The following IFT43 variants were observed in gnomAD, a reference collection of about 807,000 sequenced individuals.
IFT43 encodes intraflagellar transport 43.
IFT43 carries 33 observed loss-of-function variants against 32.3 expected under a neutral mutation model. That is an observed-to-expected ratio of 1.02 (90% confidence interval 0.77 to 1.37). IFT43 has a LOEUF of 1.37. Among genes scored for constraint, IFT43 ranks in the 40% most tolerant of loss-of-function variants. The pLI is 0.00. For synonymous variants in IFT43, 93 were observed against 98.2 expected, an observed-to-expected ratio of 0.95 and a Z score of 0.31; for missense variants, 274 against 265.9, an observed-to-expected ratio of 1.03 and a Z score of -0.21.
chr14:76,043,560 G>A (rs950885181), intron 3 of IFT43, among the ~76,000 whole-genome samples: 1 of 152,020 alleles, frequency 6.6e-6, no homozygotes, highest in African/African-American at 2.4e-5. Flanking sequence ...ACTGCCTCCC[G>A]CACTTCTGAA....
intron 3 of IFT43, among the ~76,000 whole-genome samples, chr14:76,026,890 A>G (rs1406387384): frequency 6.6e-6 from 1 of 152,140 alleles, no homozygotes; most frequent in Non-Finnish European, 1.5e-5. Flanking sequence ...ACCATGGAAT[A>G]GTATGTAGCC....
chr14:75,990,544 G>A (rs1197901648), intron 2 of IFT43, among the ~76,000 whole-genome samples: 3 of 152,140 alleles, frequency 2.0e-5, no homozygotes, highest in East Asian at 1.9e-4. Flanking sequence ...TTGTTATTGC[G>A]CAGGATGAGG....
intron 5 of IFT43, among the ~76,000 whole-genome samples, chr14:76,070,916 A>C (rs1216760846): frequency 6.6e-6 from 1 of 152,134 alleles, no homozygotes; most frequent in African/African-American, 2.4e-5. Flanking sequence ...GAGCCAATTA[A>C]ATCTCTTTTC....
chr14:75,988,215 A>G (rs2035566859), intron 1 of IFT43, among the ~76,000 whole-genome samples: 1 of 152,060 alleles, frequency 6.6e-6, no homozygotes, highest in South Asian at 2.1e-4. Context: ...CATATCTACA[A>G]AAAAATAAAA....
At chr14:76,024,676 A>G (rs968925847) in intron 3 of IFT43, among the ~76,000 whole-genome samples, 1 of 152,230 alleles carries the variant, frequency 6.6e-6, no homozygotes, top group Non-Finnish European at 1.5e-5. Flanking sequence ...ATGGTTCTAA[A>G]ACAAAGTGTT....
chr14:76,059,358 T>G lies in IFT43; in HGVS notation c.280T>G (p.Ser94Ala), dbSNP rs1486232670. 2 of 1,614,058 alleles carry G rather than the reference T, an allele frequency of 1.2e-6. No homozygotes were observed. Among genetic ancestry groups the G allele is most frequent in the Non-Finnish European group, 1.7e-6 (2 of 1,179,930 alleles). Residue 94 changes from serine to alanine, a missense_variant, in exon 5 of 9, where the codon TCA becomes GCA. By Grantham distance (99) the Ser-to-Ala change is moderately conservative. Transcript: ENST00000314067. Reference sequence around the variant, plus strand: ...CCTCAGACCACAGAGCCTGAATGGATCAGATTATGGAGGAGGTAAGAGGCC... The same window carrying G: ...CCTCAGACCACAGAGCCTGAATGGAGCAGATTATGGAGGAGGTAAGAGGCC... ...FRLRPQSLNG[S>A]DYGGDIPIIP...
rs987559929 is a variant in IFT43 at position 76,060,509 on chromosome 14, G to A, written c.295+1136G>A. Among the ~76,000 whole-genome samples, 82 of 150,824 alleles carry A rather than the reference G, an allele frequency of 5.4e-4. 1 individual carries two copies. The highest frequency in any genetic ancestry group is 1.6e-3 in the East Asian group (8 of 5,096). ...GCTGAGATTACAGCCGTGAGCCACCGCGCCCGGCCCCAAATTGTCAAAGCC... is the reference window on the plus strand; with the variant it reads ...GCTGAGATTACAGCCGTGAGCCACCACGCCCGGCCCCAAATTGTCAAAGCC... On this transcript the variant is annotated intron_variant, in intron 5 of 8. Transcript: ENST00000314067.
intron 1 of IFT43, chr14:75,986,396 A>C (rs2035528303): frequency 2.9e-6 from 2 of 682,624 alleles, no homozygotes; most frequent in Non-Finnish European, 4.0e-6. Flanking sequence ...GGGAGTGATT[A>C]GGTGCTCAGG....
At chr14:76,011,548 A>T (rs1039716786) in intron 2 of IFT43, among the ~76,000 whole-genome samples, 1 of 152,210 alleles carries the variant, frequency 6.6e-6, no homozygotes, top group African/African-American at 2.4e-5. Context: ...ACTAGCATGT[A>T]ATATATGGGT....
intron 5 of IFT43, chr14:76,076,783 T>C: frequency 7.0e-7 from 1 of 1,437,382 alleles, no homozygotes; most frequent in Admixed American, 1.8e-5. Flanking sequence ...CATGTGATGA[T>C]ATTATCCGTA....
intron 2 of IFT43, among the ~76,000 whole-genome samples, chr14:75,996,489 T>G (rs2035750170): frequency 6.6e-6 from 1 of 152,260 alleles, no homozygotes; most frequent in Admixed American, 6.5e-5. Context: ...TATCAATTTA[T>G]CCTAAATATC....
chr14:76,075,984 CAG>C (rs987850555), intron 5 of IFT43, among the ~76,000 whole-genome samples: 30 of 152,198 alleles, frequency 2.0e-4, no homozygotes, highest in African/African-American at 6.8e-4. Context: ...CACACAGAAT[CAG>C]GGGTTTGTCT....
At position 76,013,885 on chromosome 14, in the gene IFT43, TAAAAC is replaced by T. The variant is rs61478866; in HGVS notation, c.148-8433_148-8429del. 446 of 238,642 alleles carry T rather than the reference TAAAAC, an allele frequency of 1.9e-3. 9 individuals carry two copies. The South Asian group carries it at 0.035, about 19-fold the overall frequency. The allele number at this position is 238,642 out of a possible 1,614,324, so 14.8% of individuals were successfully genotyped here. A position where few individuals can be genotyped will look rare whatever the true frequency, so the allele number is the denominator to read the frequency against. ...CATTTAAACCACTGAAGACCACAGT[TAAAAC>T]AAAACAAAGATTTATCACCCAAACA... On this transcript the variant is annotated intron_variant, in intron 2 of 8. Coordinates refer to ENST00000314067, the MANE Select transcript of IFT43 (RefSeq NM_001102564.3).
chr14:76,078,243 A>AT (rs1463702003), intron 5 of IFT43, among the ~76,000 whole-genome samples: 5 of 152,208 alleles, frequency 3.3e-5, no homozygotes, highest in African/African-American at 1.2e-4. Flanking sequence ...CGGAAGGGAC[A>AT]TTTTTCATTT....
intron 5 of IFT43, among the ~76,000 whole-genome samples, chr14:76,077,410 T>A (rs2037430884): frequency 6.6e-6 from 1 of 152,230 alleles, no homozygotes; most frequent in African/African-American, 2.4e-5. Context: ...ATGGCTCTTC[T>A]GTGTGTGTCA....
At chr14:76,034,258 G>C (rs1401678341) in intron 3 of IFT43, among the ~76,000 whole-genome samples, 1 of 152,116 alleles carries the variant, frequency 6.6e-6, no homozygotes, top group Non-Finnish European at 1.5e-5. Flanking sequence ...TGGGTTCTTG[G>C]TGAGGACCAT....
chr14:76,059,014 A>G lies in IFT43; in HGVS notation c.249-313A>G, dbSNP rs897116459. On this transcript the variant is annotated intron_variant, in intron 4 of 8. Transcript: ENST00000314067. ...CTTGCCTTCTCATAAGACTTATATC[A>G]GAAAAGAAAGAAGTTTTCTAGATAA... The G allele has an allele frequency of 1.7e-5, 24 of 1,423,652 alleles. 1 individual carries two copies. Among genetic ancestry groups the G allele is most frequent in the Non-Finnish European group, 2.2e-5 (24 of 1,095,566 alleles). 88.2% of individuals were successfully genotyped at this position (1,423,652 alleles called of 1,614,324 possible). A position where few individuals can be genotyped will look rare whatever the true frequency, so the allele number is the denominator to read the frequency against.
chr14:76,067,774 G>A (rs2037251382), intron 5 of IFT43, among the ~76,000 whole-genome samples: 1 of 152,156 alleles, frequency 6.6e-6, no homozygotes, highest in South Asian at 2.1e-4. Flanking sequence ...ACGTAAACCC[G>A]TGAAACAGAA....
intron 2 of IFT43, among the ~76,000 whole-genome samples, chr14:76,017,480 A>T (rs1231153565): frequency 1.3e-5 from 2 of 152,042 alleles, no homozygotes; most frequent in Non-Finnish European, 2.9e-5. Context: ...TTTGCATCCT[A>T]TGTTCATCAG....
Sources: gnomAD v4.1 joint callset for allele counts (sites outside exome capture counted in the v4.1 genomes callset) on GRCh38, gnomAD v4.1.1 for gene constraint, MANE v1.5 for transcripts, NCBI Gene and HGNC (gene_info 2026-07-23, HGNC 2026-07-21) for gene names.